The following LTBP1 variants were observed in gnomAD, a reference collection of about 807,000 sequenced individuals.
LTBP1 encodes latent transforming growth factor beta binding protein 1.
In LTBP1, 129 loss-of-function variants were observed where a neutral mutation model predicts 207.6. The ratio of observed to expected loss-of-function variants is 0.62; its 90% CI spans 0.54 to 0.72. LTBP1 has a LOEUF of 0.72. Among genes scored for constraint, LTBP1 ranks in the 30% least tolerant of loss-of-function variants. LTBP1 has a pLI of 0.00. For synonymous variants in LTBP1, 963 were observed against 833.7 expected (o/e 1.16, Z -2.67); for missense variants, 2,281 against 2,217.2 (o/e 1.03, Z -0.58).
chr2:33,201,185 T>C (rs1356575018), intron 7 of LTBP1, among the ~76,000 whole-genome samples: 6 of 152,158 alleles, frequency 3.9e-5, no homozygotes, highest in Admixed American at 3.9e-4. Flanking sequence ...CACGTATGTT[T>C]ATTGCGGCAG....
chr2:33,144,458 A>C (rs959560650), intron 5 of LTBP1, among the ~76,000 whole-genome samples: 2 of 152,188 alleles, frequency 1.3e-5, no homozygotes, highest in African/African-American at 4.8e-5. Flanking sequence ...CATGTTGCCA[A>C]GCCTTCTGGC....
chr2:33,101,394 G>C (rs1558637718), intron 3 of LTBP1, among the ~76,000 whole-genome samples: 2 of 152,162 alleles, frequency 1.3e-5, no homozygotes, highest in Non-Finnish European at 2.9e-5. Flanking sequence ...GTCGTTATTG[G>C]AAGAGGAGTG....
intron 3 of LTBP1, among the ~76,000 whole-genome samples, chr2:33,076,771 G>C (rs1194202606): frequency 6.6e-6 from 1 of 151,936 alleles, no homozygotes; most frequent in Non-Finnish European, 1.5e-5. Flanking sequence ...TCTTGACCTC[G>C]TGATCCACCC....
At chr2:33,352,886 C>T (rs1011051834) in intron 26 of LTBP1, among the ~76,000 whole-genome samples, 2 of 152,068 alleles carry the variant, frequency 1.3e-5, no homozygotes, top group African/African-American at 2.4e-5. Context: ...TCATGGTTAC[C>T]CCAAACAATT....
intron 24 of LTBP1, among the ~76,000 whole-genome samples, chr2:33,321,572 G>A (rs894801390): frequency 2.6e-5 from 4 of 152,194 alleles, no homozygotes; most frequent in East Asian, 1.9e-4. Context: ...GCATAAAGCC[G>A]TGGACAGTGC....
intron 4 of LTBP1, among the ~76,000 whole-genome samples, chr2:33,115,008 A>G (rs1158904760): frequency 2.6e-5 from 4 of 151,554 alleles, no homozygotes; most frequent in East Asian, 1.9e-4. Context: ...ATGTCCATCA[A>G]CTGATGAAGG....
At chr2:32,958,140 T>C (rs1382948672) in intron 2 of LTBP1, among the ~76,000 whole-genome samples, 1 of 152,198 alleles carries the variant, frequency 6.6e-6, no homozygotes, top group Non-Finnish European at 1.5e-5. Context: ...ACCTTAATAC[T>C]TTCTCACTGT....
intron 4 of LTBP1, among the ~76,000 whole-genome samples, chr2:33,119,804 C>T (rs1175397717): frequency 6.6e-5 from 10 of 152,274 alleles, no homozygotes; most frequent in South Asian, 4.1e-4. Context: ...GTGATCCTCC[C>T]GCCTTGGCCT....
At chr2:33,076,955 A>G (rs996948949) in intron 3 of LTBP1, among the ~76,000 whole-genome samples, 3 of 152,040 alleles carry the variant, frequency 2.0e-5, no homozygotes, top group African/African-American at 4.8e-5. Flanking sequence ...TTTATTTCTC[A>G]TATGTGTTTT....
intron 19 of LTBP1, among the ~76,000 whole-genome samples, chr2:33,281,769 T>C (rs1264832427): frequency 2.0e-5 from 3 of 152,172 alleles, no homozygotes; most frequent in Non-Finnish European, 4.4e-5. Flanking sequence ...GATAAGCAAT[T>C]GTTTTTGTAA....
At chr2:33,213,841 C>A (rs2090493447) in intron 7 of LTBP1, among the ~76,000 whole-genome samples, 1 of 152,194 alleles carries the variant, frequency 6.6e-6, no homozygotes, top group African/African-American at 2.4e-5. Flanking sequence ...ACCTACACTA[C>A]CATTTATTTA....
At chr2:33,303,435 C>T (rs1052990148) in intron 22 of LTBP1, among the ~76,000 whole-genome samples, 5 of 150,116 alleles carry the variant, frequency 3.3e-5, no homozygotes, top group Non-Finnish European at 4.4e-5. Context: ...CTGCAAGCTT[C>T]GCCTCCCAGG....
Position 32,957,944 on chromosome 2 carries a change from T to G in LTBP1, c.565+8999T>G, listed in dbSNP as rs116347892. ...CATTGCCATCGAGACCCCAAGACTG[T>G]GTGGTTATAAGAAGGAAGTGCCACT... On this transcript the variant is annotated intron_variant, in intron 2 of 33. Coordinates refer to ENST00000404816, the MANE Select transcript of LTBP1 (RefSeq NM_206943.4). Among the ~76,000 whole-genome samples the G allele has an allele frequency of 6.7e-3, 1,025 of 152,122 alleles. 10 individuals carry two copies. Among genetic ancestry groups the G allele is most frequent in the African/African-American group, 0.021 (884 of 41,500 alleles).
chr2:32,948,596 G>T (rs1002898705), intron 1 of LTBP1, among the ~76,000 whole-genome samples: 1 of 152,178 alleles, frequency 6.6e-6, no homozygotes, highest in Admixed American at 6.5e-5. Context: ...TGTAATTTGG[G>T]GGTAAGAAAA....
intron 4 of LTBP1, among the ~76,000 whole-genome samples, chr2:33,127,664 C>T (rs886810545): frequency 5.9e-5 from 9 of 152,034 alleles, no homozygotes; most frequent in Non-Finnish European, 1.0e-4. Flanking sequence ...CTGACTGAGG[C>T]CAAAGGAAGG....
At chr2:33,364,398 C>A in intron 30 of LTBP1, 42 bp downstream of exon 30, 4 of 1,564,318 alleles carry the variant, frequency 2.6e-6, no homozygotes, top group Non-Finnish European at 3.5e-6. Context: ...AAATAACTAT[C>A]ATAAGATTTT....
intron 26 of LTBP1, among the ~76,000 whole-genome samples, chr2:33,355,276 A>C (rs140278109): frequency 0.015 from 2,335 of 152,046 alleles, 51 homozygotes; most frequent in African/African-American, 0.042. Context: ...CTTTCTCTGC[A>C]GTACAGCTAT....
At chr2:33,150,884 C>T (rs145005428) in intron 5 of LTBP1, among the ~76,000 whole-genome samples, 2,498 of 150,298 alleles carry the variant, frequency 0.017, 25 homozygotes, top group Non-Finnish European at 0.023. Flanking sequence ...TACAGGCGTG[C>T]GCCACCATGC....
intron 31 of LTBP1, 58 bp downstream of exon 31, chr2:33,365,561 T>A (rs2094975210): frequency 2.6e-6 from 4 of 1,528,872 alleles, no homozygotes; most frequent in Non-Finnish European, 3.6e-6. Context: ...TCATCTCACC[T>A]CCTTTGTAGC....
Sources: gnomAD v4.1 joint callset for allele counts (sites outside exome capture counted in the v4.1 genomes callset) on GRCh38, gnomAD v4.1.1 for gene constraint, MANE v1.5 for transcripts, NCBI Gene and HGNC (gene_info 2026-07-23, HGNC 2026-07-21) for gene names.